The following RIMS2 variants were observed in gnomAD, a reference collection of about 807,000 sequenced individuals.
RIMS2 encodes regulating synaptic membrane exocytosis protein 2.
In RIMS2, 59 loss-of-function variants were observed where a neutral mutation model predicts 174.4. The observed-to-expected ratio is 0.34, with a 90% confidence interval of 0.27 to 0.42. The LOEUF (loss-of-function observed/expected upper bound fraction) is 0.42. Ranked by LOEUF, RIMS2 falls within the 10% of genes least tolerant of loss-of-function variation. The pLI is 1.00. For synonymous variants in RIMS2, 606 were observed against 572.5 expected (o/e 1.06, Z -0.84); for missense variants, 1,620 against 1,666.3 (o/e 0.97, Z 0.48).
chr8:103,541,713 A>T (rs1283901697), intron 1 of RIMS2, among the ~76,000 whole-genome samples: 1 of 152,238 alleles, frequency 6.6e-6, no homozygotes, highest in Non-Finnish European at 1.5e-5. Context: ...TATGAAGGTT[A>T]ACTATTAAAA....
At chr8:104,129,326 A>T (rs1198502625) in intron 19 of RIMS2, among the ~76,000 whole-genome samples, 1 of 152,176 alleles carries the variant, frequency 6.6e-6, no homozygotes, top group Non-Finnish European at 1.5e-5. Flanking sequence ...TTGAGGTTAC[A>T]ATCAGCCCTA....
intron 1 of RIMS2, among the ~76,000 whole-genome samples, chr8:103,560,883 A>T (rs919821571): frequency 2.6e-5 from 4 of 152,208 alleles, no homozygotes; most frequent in Non-Finnish European, 4.4e-5. Flanking sequence ...TAGCAACTTA[A>T]CTAGTAGTGC....
At chr8:103,814,448 G>C (rs956090889) in intron 3 of RIMS2, among the ~76,000 whole-genome samples, 4 of 151,078 alleles carry the variant, frequency 2.6e-5, no homozygotes, top group Non-Finnish European at 5.9e-5. Flanking sequence ...TAAAAAGAAA[G>C]AATTTACACT....
intron 16 of RIMS2, among the ~76,000 whole-genome samples, chr8:103,982,260 T>G (rs1425211268): frequency 2.0e-5 from 3 of 151,702 alleles, no homozygotes; most frequent in Admixed American, 2.0e-4. Flanking sequence ...ATGAACAGTC[T>G]CCCAGTAAAG....
chr8:103,641,299 A>G (rs1300998305), intron 1 of RIMS2, among the ~76,000 whole-genome samples: 1 of 152,172 alleles, frequency 6.6e-6, no homozygotes, highest in Non-Finnish European at 1.5e-5. Flanking sequence ...GATTTAATAC[A>G]TTAATATATT....
chr8:103,877,096 T>C (rs1310474877), intron 3 of RIMS2, among the ~76,000 whole-genome samples: 3 of 151,246 alleles, frequency 2.0e-5, no homozygotes, highest in African/African-American at 7.3e-5. Flanking sequence ...CAAATGGTAG[T>C]TCTACTTTTA....
intron 1 of RIMS2, among the ~76,000 whole-genome samples, chr8:103,600,754 T>G (rs1013897784): frequency 6.6e-6 from 1 of 152,270 alleles, no homozygotes; most frequent in East Asian, 1.9e-4. Context: ...ACATTTTAGT[T>G]TTTTTGAGGA....
chr8:104,228,024 CTT>C (rs1004772231), intron 19 of RIMS2, among the ~76,000 whole-genome samples: 8 of 133,562 alleles, frequency 6.0e-5, no homozygotes, highest in Non-Finnish European at 6.5e-5. Flanking sequence ...TGTTTCTTTT[CTT>C]TTTTTTTTTT....
chr8:103,581,111 C>T (rs1398632520), intron 1 of RIMS2, among the ~76,000 whole-genome samples: 1 of 152,118 alleles, frequency 6.6e-6, no homozygotes, highest in Non-Finnish European at 1.5e-5. Context: ...AGCCACCACA[C>T]CTGGCCGAGA....
chr8:103,777,972 A>G (rs1402809871), intron 3 of RIMS2, among the ~76,000 whole-genome samples: 2 of 152,052 alleles, frequency 1.3e-5, no homozygotes, highest in African/African-American at 2.4e-5. Context: ...GAACTCAATC[A>G]TAGCATATAA....
chr8:103,753,330 A>G (rs2097919663), intron 2 of RIMS2, among the ~76,000 whole-genome samples: 1 of 152,286 alleles, frequency 6.6e-6, no homozygotes, highest in South Asian at 2.1e-4. Context: ...TGCTGGATTC[A>G]GTTTGCCAGT....
chr8:103,915,836 A>G (rs553932113), intron 7 of RIMS2, among the ~76,000 whole-genome samples: 1 of 151,958 alleles, frequency 6.6e-6, no homozygotes, highest in South Asian at 2.1e-4. Context: ...TCTAATATTA[A>G]CCTGTTTTGT....
At chr8:103,504,515 G>A (rs1822303242) in intron 1 of RIMS2, among the ~76,000 whole-genome samples, 1 of 152,112 alleles carries the variant, frequency 6.6e-6, no homozygotes, top group Non-Finnish European at 1.5e-5. Context: ...AAAGTATTCA[G>A]TAAATACTGA....
Position 103,878,005 on chromosome 8 carries a change from C to T in RIMS2, c.699-7293C>T, listed in dbSNP as rs116732407. Among the ~76,000 whole-genome samples the T allele has an allele frequency of 2.0e-5, 3 of 151,576 alleles. No homozygotes were observed. The East Asian group carries it at 5.8e-4, about 29-fold the overall frequency. On this transcript the variant is annotated intron_variant, in intron 3 of 23. Coordinates refer to ENST00000504942, the Ensembl canonical transcript of RIMS2. Reference sequence around the variant, plus strand: ...AAAATCTCATCTTGAATTGTAATCCCCTGGTGTTTAGGGAGAGACCTGTTG... The same window carrying T: ...AAAATCTCATCTTGAATTGTAATCCTCTGGTGTTTAGGGAGAGACCTGTTG...
intron 1 of RIMS2, among the ~76,000 whole-genome samples, chr8:103,611,318 C>CT (rs899792794): frequency 2.1e-4 from 32 of 152,198 alleles, no homozygotes; most frequent in African/African-American, 7.2e-4. Flanking sequence ...TGGTTCATCA[C>CT]TTAGTCTTTC....
intron 3 of RIMS2, among the ~76,000 whole-genome samples, chr8:103,795,947 G>A (rs2154447310): frequency 6.6e-6 from 1 of 152,282 alleles, no homozygotes; most frequent in Middle Eastern, 3.4e-3. Context: ...TCCGAAAGTA[G>A]CAGCTCCTTT....
At chr8:103,631,222 C>T (rs369500942) in intron 1 of RIMS2, among the ~76,000 whole-genome samples, 10 of 152,028 alleles carry the variant, frequency 6.6e-5, no homozygotes, top group African/African-American at 1.4e-4. Context: ...GGTATTGCCT[C>T]GGTTTTCTTC....
intron 19 of RIMS2, among the ~76,000 whole-genome samples, chr8:104,053,378 AC>A (rs1183536755): frequency 1.3e-5 from 2 of 152,208 alleles, no homozygotes; most frequent in African/African-American, 2.4e-5. Context: ...AATAGGTCCC[AC>A]TTAAAAAACT....
chr8:103,867,299 G>A (rs1026885837), intron 3 of RIMS2, among the ~76,000 whole-genome samples: 12 of 151,316 alleles, frequency 7.9e-5, no homozygotes, highest in African/African-American at 2.7e-4. Flanking sequence ...TTGAAAATTC[G>A]GAAATAACAT....
Sources: gnomAD v4.1 joint callset for allele counts (sites outside exome capture counted in the v4.1 genomes callset) on GRCh38, gnomAD v4.1.1 for gene constraint, MANE v1.5 for transcripts, NCBI Gene and HGNC (gene_info 2026-07-23, HGNC 2026-07-21) for gene names.